BCL2: variants seen among roughly 807,000 people sequenced by gnomAD.
BCL2 encodes BCL2 apoptosis regulator.
In BCL2, 1 loss-of-function variant was observed where a neutral mutation model predicts 14.2. The observed-to-expected ratio is 0.07, with a 90% CI of 0.02 to 0.33. BCL2 has a LOEUF of 0.33. Ranked by LOEUF, BCL2 falls within the 10% of genes least tolerant of loss-of-function variation. BCL2 has a pLI of 0.99. For synonymous variants in BCL2, 151 were observed against 137.2 expected, an observed-to-expected ratio of 1.10 and a Z score of -0.70; for missense variants, 247 against 305.9, an observed-to-expected ratio of 0.81 and a Z score of 1.44.
At chr18:63,176,143 T>G (rs1214308460) in intron 2 of BCL2, among the ~76,000 whole-genome samples, 11 of 152,242 alleles carry the variant, frequency 7.2e-5, no homozygotes, top group Non-Finnish European at 1.6e-4. Context: ...GAAAGAATTT[T>G]CCTTTATTAG....
At chr18:63,180,686 T>C (rs1017052587) in intron 2 of BCL2, among the ~76,000 whole-genome samples, 1 of 151,594 alleles carries the variant, frequency 6.6e-6, no homozygotes, top group East Asian at 1.9e-4. Context: ...GGATAGGGGG[T>C]CTCCAGCCAA....
intron 2 of BCL2, among the ~76,000 whole-genome samples, chr18:63,174,534 A>T (rs1200891854): frequency 1.3e-5 from 2 of 152,150 alleles, no homozygotes; most frequent in Non-Finnish European, 2.9e-5. Context: ...AAAGAGCATA[A>T]AGAGGCTGGG....
At chr18:63,277,574 CTTT>C (rs11384331) in intron 2 of BCL2, among the ~76,000 whole-genome samples, 2 of 135,060 alleles carry the variant, frequency 1.5e-5, no homozygotes, top group African/African-American at 5.5e-5. Context: ...AGATCATGTC[CTTT>C]TTTTTTTTTT....
At chr18:63,290,120 C>T (rs1416231509) in intron 2 of BCL2, among the ~76,000 whole-genome samples, 1 of 151,868 alleles carries the variant, frequency 6.6e-6, no homozygotes, top group Non-Finnish European at 1.5e-5. Flanking sequence ...CCTGGGTGAT[C>T]GGAATAGTGA....
chr18:63,169,254 T>G (rs1915126395), intron 2 of BCL2, among the ~76,000 whole-genome samples: 1 of 47,968 alleles, frequency 2.1e-5, no homozygotes, highest in Admixed American at 2.3e-4. Flanking sequence ...GTGTTTTTCT[T>G]TCTTTCTTTC....
intron 2 of BCL2, among the ~76,000 whole-genome samples, chr18:63,204,805 C>A (rs1458591011): frequency 6.6e-6 from 1 of 151,946 alleles, no homozygotes; most frequent in African/African-American, 2.4e-5. Flanking sequence ...TCAAGATGTA[C>A]CATGATAAGA....
At chr18:63,154,186 C>T (rs1914718712) in intron 2 of BCL2, among the ~76,000 whole-genome samples, 1 of 152,142 alleles carries the variant, frequency 6.6e-6, no homozygotes, top group Non-Finnish European at 1.5e-5. Context: ...CTCAACTCCT[C>T]CCTCTTCTTT....
rs4987729 is a variant in BCL2, at chr18:63,285,384, T to C, written c.585+32698A>G. Among the ~76,000 whole-genome samples, 99 of 152,306 alleles carry C rather than the reference T, an allele frequency of 6.5e-4. No individual in the cohort carries two copies. The South Asian group carries it at 9.3e-3, about 14-fold the overall frequency. ...TGGCTGACCTCTGGAATTCTCTTTC[T>C]GGCTGACCTCTGAAACTGAGTTCTG... is the stretch of plus-strand genomic sequence containing the variant. On this transcript the variant is annotated intron_variant, in intron 2 of 2. Transcript: ENST00000333681.
In BCL2 at chr18:63,318,325, C is replaced by T; in HGVS notation, c.342G>A (p.Glu114=). ...FSRRYRRDFA[E]MSSQLHLTPF... Reference sequence around the variant, plus strand: ...GCGTCAGGTGCAGCTGGCTGGACATCTCGGCGAAGTCGCGGCGGTAGCGGC... The same window carrying T: ...GCGTCAGGTGCAGCTGGCTGGACATTTCGGCGAAGTCGCGGCGGTAGCGGC... The change falls in exon 2 of 3, where the codon GAG becomes GAA. Residue 114 remains glutamate, a synonymous_variant. Transcript: ENST00000333681. This position sits in a 1 kb window ranked among gnomAD's most constrained non-coding sequence, Gnocchi z 7.4. The T allele has an allele frequency of 6.2e-7, 1 of 1,613,454 alleles. No homozygotes were observed. Among genetic ancestry groups the T allele is most frequent in the South Asian group, 1.1e-5 (1 of 90,982 alleles).
intron 2 of BCL2, among the ~76,000 whole-genome samples, chr18:63,232,564 T>A (rs1910719522): frequency 6.6e-6 from 1 of 152,138 alleles, no homozygotes; most frequent in Admixed American, 6.5e-5. Flanking sequence ...TCATAAGTAA[T>A]CAGAGAAATA....
chr18:63,141,105 C>T (rs990176557), intron 2 of BCL2, among the ~76,000 whole-genome samples: 1 of 152,218 alleles, frequency 6.6e-6, no homozygotes, highest in Non-Finnish European at 1.5e-5. Flanking sequence ...CAGCTCACTT[C>T]ACCCCTGGGA....
chr18:63,136,262 T>C (rs1914203942), intron 2 of BCL2, among the ~76,000 whole-genome samples: 1 of 152,188 alleles, frequency 6.6e-6, no homozygotes, highest in East Asian at 1.9e-4. Flanking sequence ...CTCCCCTAAC[T>C]GGCAAATACT....
At chr18:63,291,764 GA>G (rs1296270368) in intron 2 of BCL2, among the ~76,000 whole-genome samples, 4 of 149,920 alleles carry the variant, frequency 2.7e-5, no homozygotes, top group African/African-American at 9.9e-5. Context: ...AAAAAATGCT[GA>G]AAGAATTTTT....
At chr18:63,257,066 T>C (rs559737152) in intron 2 of BCL2, among the ~76,000 whole-genome samples, 1 of 152,374 alleles carries the variant, frequency 6.6e-6, no homozygotes, top group South Asian at 2.1e-4. Context: ...TAAATGTTCT[T>C]ATTTTACCAG....
At chr18:63,302,316 G>GAGAGAGAA (rs1176493233) in intron 2 of BCL2, 8 of 866,522 alleles carry the variant, frequency 9.2e-6, no homozygotes, top group Non-Finnish European at 9.7e-6. Context: ...AAAAAAAAAA[G>GAGAGAGAA]AGAGAGAAAG....
intron 2 of BCL2, among the ~76,000 whole-genome samples, chr18:63,169,562 A>T (rs1915175826): frequency 7.7e-6 from 1 of 129,430 alleles, no homozygotes; most frequent in Non-Finnish European, 1.5e-5. Context: ...TCGCTCTGTC[A>T]CCCAGGCTGG....
intron 2 of BCL2, chr18:63,317,659 G>T: frequency 9.7e-7 from 1 of 1,030,158 alleles, no homozygotes; most frequent in Non-Finnish European, 1.2e-6. Flanking sequence ...AGCTTGTTTG[G>T]GATGCAGACT....
At chr18:63,226,417 T>A (rs1464055033) in intron 2 of BCL2, among the ~76,000 whole-genome samples, 3 of 152,164 alleles carry the variant, frequency 2.0e-5, no homozygotes, top group Non-Finnish European at 4.4e-5. Context: ...TGCCCAGAAT[T>A]TCCCTGTCTC....
intron 2 of BCL2, among the ~76,000 whole-genome samples, chr18:63,304,519 A>C (rs1454454234): frequency 6.6e-6 from 1 of 152,186 alleles, no homozygotes; most frequent in Non-Finnish European, 1.5e-5. Context: ...TCTATGAGCA[A>C]ATTTAAAGAC....
Sources: gnomAD v4.1 joint callset for allele counts (sites outside exome capture counted in the v4.1 genomes callset) on GRCh38, gnomAD v4.1.1 for gene constraint, Gnocchi (gnomAD v3.1) non-coding constraint, MANE v1.5 for transcripts, NCBI Gene and HGNC (gene_info 2026-07-23, HGNC 2026-07-21) for gene names.